Variants in TRDN observed in about 807,000 individuals in gnomAD.
The protein encoded by TRDN is triadin in skeletal muscle.
Under a neutral mutation model 149.7 loss-of-function variants are expected in TRDN, and 161 were observed. That is an observed-to-expected ratio of 1.08 (90% CI 0.95 to 1.23). TRDN has a LOEUF of 1.23. Among genes scored for constraint, TRDN ranks in the 50% most tolerant of loss-of-function variants. The probability of loss-of-function intolerance (pLI) is 0.00; values close to 1 mark genes in which losing one functional copy is unlikely to be tolerated. For missense variants in TRDN, 896 were observed against 823.5 expected (o/e 1.09, Z -1.08); for synonymous variants, 294 against 250.5 (o/e 1.17, Z -1.64).
chr6:123,243,439 A>T (rs1024986293), intron 38 of TRDN, among the ~76,000 whole-genome samples: 4 of 152,216 alleles, frequency 2.6e-5, no homozygotes, highest in African/African-American at 7.2e-5. Context: ...AATGGAAAAG[A>T]AAATCACAAA....
chr6:123,301,792 A>ATAT (rs1778438663), intron 24 of TRDN, among the ~76,000 whole-genome samples: 1 of 67,334 alleles, frequency 1.5e-5, no homozygotes, highest in Admixed American at 1.9e-4. Flanking sequence ...TATATACATA[A>ATAT]ATGAAAATAT....
chr6:123,239,484 G>A (rs997284369), intron 38 of TRDN, among the ~76,000 whole-genome samples: 5 of 152,010 alleles, frequency 3.3e-5, no homozygotes, highest in African/African-American at 1.2e-4. Context: ...AGTATTTACT[G>A]AAACTAATAT....
chr6:123,619,576 T>C (rs1562135082), intron 1 of TRDN, among the ~76,000 whole-genome samples: 1 of 152,212 alleles, frequency 6.6e-6, no homozygotes, highest in Non-Finnish European at 1.5e-5. Flanking sequence ...GAAGCTGTTA[T>C]ACAAGTCTGT....
At chr6:123,539,783 T>G (rs956827129) in intron 4 of TRDN, among the ~76,000 whole-genome samples, 1 of 152,220 alleles carries the variant, frequency 6.6e-6, no homozygotes, top group Non-Finnish European at 1.5e-5. Context: ...TGTAAACAAA[T>G]TATGCAGTTA....
chr6:123,361,175 T>C (rs1236865002), intron 20 of TRDN, among the ~76,000 whole-genome samples: 1 of 152,150 alleles, frequency 6.6e-6, no homozygotes, highest in Non-Finnish European at 1.5e-5. Flanking sequence ...TCCACAATGG[T>C]TGAACACCAT....
At chr6:123,339,599 A>C (rs966714016) in intron 21 of TRDN, among the ~76,000 whole-genome samples, 6 of 152,230 alleles carry the variant, frequency 3.9e-5, no homozygotes, top group Admixed American at 3.9e-4. Flanking sequence ...AACTATCAAT[A>C]TAACTAGTAG....
At chr6:123,559,210 G>A (rs1317418671) in intron 2 of TRDN, among the ~76,000 whole-genome samples, 1 of 152,124 alleles carries the variant, frequency 6.6e-6, no homozygotes, top group Admixed American at 6.6e-5. Flanking sequence ...CAAAATGAAA[G>A]CCACCCACTC....
intron 10 of TRDN, among the ~76,000 whole-genome samples, chr6:123,463,768 T>A (rs1776622127): frequency 6.7e-6 from 1 of 148,744 alleles, no homozygotes. Context: ...TTTGGTCTAT[T>A]TTCTTTCTGT....
At chr6:123,531,760 T>C (rs1780264671) in intron 4 of TRDN, among the ~76,000 whole-genome samples, 1 of 152,052 alleles carries the variant, frequency 6.6e-6, no homozygotes, top group Non-Finnish European at 1.5e-5. Flanking sequence ...CCTGTCTCTC[T>C]CACCATTTTG....
Position 123,540,409 on chromosome 6 carries a change from T to G in TRDN, c.424+6931A>C, listed in dbSNP as rs373539759. On this transcript the variant is annotated intron_variant, in intron 4 of 40. Transcript: ENST00000334268. Reference sequence around the variant, plus strand: ...GAGGAAGGAAAGCAGGTTCCAGAAGTGAAGAAAGAGGATTTACTAATAACA... The same window carrying G: ...GAGGAAGGAAAGCAGGTTCCAGAAGGGAAGAAAGAGGATTTACTAATAACA... Among the ~76,000 whole-genome samples, 50 of 151,682 alleles carry G rather than the reference T, an allele frequency of 3.3e-4. 1 individual carries two copies. The East Asian group carries it at 8.9e-3, about 27-fold the overall frequency.
chr6:123,352,626 A>G (rs867262652), intron 20 of TRDN, 40 bp from the exon 21 acceptor site: 1 of 1,581,198 alleles, frequency 6.3e-7, no homozygotes, highest in Non-Finnish European at 8.6e-7. Flanking sequence ...AGTTCCAGAC[A>G]GAAATACTGC....
intron 1 of TRDN, among the ~76,000 whole-genome samples, chr6:123,586,795 G>T (rs1436304521): frequency 6.6e-6 from 1 of 151,984 alleles, no homozygotes; most frequent in Non-Finnish European, 1.5e-5. Context: ...AGAGAGAGTA[G>T]AGACATGGAG....
intron 19 of TRDN, among the ~76,000 whole-genome samples, chr6:123,371,299 A>G (rs903448369): frequency 5.9e-5 from 9 of 152,206 alleles, no homozygotes; most frequent in Non-Finnish European, 2.9e-5. Flanking sequence ...ACATTTAAAA[A>G]TAATCTATCC....
intron 24 of TRDN, among the ~76,000 whole-genome samples, chr6:123,309,097 A>G (rs1229128282): frequency 6.6e-6 from 1 of 151,896 alleles, no homozygotes; most frequent in Non-Finnish European, 1.5e-5. Flanking sequence ...CAAACTCCTG[A>G]TTCTAATTTA....
intron 5 of TRDN, among the ~76,000 whole-genome samples, chr6:123,529,733 A>G (rs2114333923): frequency 6.6e-6 from 1 of 152,164 alleles, no homozygotes; most frequent in South Asian, 2.1e-4. Context: ...TCTGCATTAT[A>G]CAAATATAGT....
chr6:123,240,504 T>C (rs1442834351), intron 38 of TRDN, among the ~76,000 whole-genome samples: 5 of 151,974 alleles, frequency 3.3e-5, no homozygotes, highest in East Asian at 1.9e-4. Context: ...TATATATTTA[T>C]AGCAATGGAT....
chr6:123,451,897 C>T (rs755830607), intron 10 of TRDN, among the ~76,000 whole-genome samples: 1 of 152,068 alleles, frequency 6.6e-6, no homozygotes, highest in Non-Finnish European at 1.5e-5. Context: ...AGATAATCCA[C>T]CATGATCAAG....
chr6:123,511,207 C>T (rs950152277), intron 7 of TRDN, among the ~76,000 whole-genome samples: 1 of 152,030 alleles, frequency 6.6e-6, no homozygotes, highest in African/African-American at 2.4e-5. Flanking sequence ...ATACAGTTTT[C>T]CTAGTAAAAT....
chr6:123,466,570 G>C (rs929813778), intron 9 of TRDN, among the ~76,000 whole-genome samples: 3 of 151,754 alleles, frequency 2.0e-5, no homozygotes, highest in African/African-American at 7.3e-5. Context: ...TATAGCTGAC[G>C]AGGGACAGAG....
Sources: gnomAD v4.1 joint callset for allele counts (sites outside exome capture counted in the v4.1 genomes callset) on GRCh38, gnomAD v4.1.1 for gene constraint, MANE v1.5 for transcripts, NCBI Gene and HGNC (gene_info 2026-07-23, HGNC 2026-07-21) for gene names.